Variants in UBE2E1 observed in about 807,000 individuals in gnomAD.
UBE2E1 encodes ubiquitin-conjugating enzyme E2 E1.
A neutral mutation model predicts 21.4 loss-of-function variants in UBE2E1; 6 were observed. The observed-to-expected ratio is 0.28, with a 90% CI of 0.15 to 0.55. The LOEUF is 0.55. UBE2E1 is among the 20% of genes least tolerant of loss of function. The pLI, the probability that UBE2E1 is intolerant of heterozygous loss-of-function variation, is 0.93. For synonymous variants in UBE2E1, 87 were observed against 82.7 expected (o/e 1.05, Z -0.28); for missense variants, 142 against 236.5 (o/e 0.60, Z 2.62).
chr3:23,820,876 C>T (rs762013934), intron 3 of UBE2E1, among the ~76,000 whole-genome samples: 2 of 152,040 alleles, frequency 1.3e-5, no homozygotes, highest in Non-Finnish European at 2.9e-5. Flanking sequence ...TGGGATGGAC[C>T]TCTAGTAAAT....
Position 23,810,438 on chromosome 3 carries a change from T to G in UBE2E1, c.153-1022T>G, listed in dbSNP as rs1699359853. The G allele has an allele frequency of 6.5e-7, 1 of 1,535,122 alleles. No individual in the cohort carries two copies. The highest frequency in any genetic ancestry group is 8.7e-7 in the Non-Finnish European group (1 of 1,146,356). On this transcript the variant is annotated intron_variant, in intron 2 of 5. Transcript: ENST00000306627. This position sits in a 1 kb window ranked among gnomAD's most constrained non-coding sequence, Gnocchi z 5.8. ...TGGTGCGGAGGGAGAAAACTGCAGG[T>G]CTCCAGTCTATCCCCAGTGTGAGCT...
Position 23,828,694 on chromosome 3 carries a change from T to G in UBE2E1, c.203+17184T>G, listed in dbSNP as rs183507147. 1.1e-3 allele frequency among the ~76,000 whole-genome samples: 164 copies of G among 152,362 alleles called. 2 individuals carry two copies. Among genetic ancestry groups the G allele is most frequent in the African/African-American group, 3.6e-3 (148 of 41,592 alleles). The stretch of plus-strand genomic sequence containing the variant: ...TCTGGAGATACAAAAGTGTGATAGA[T>G]GCTTTCAATATAAAATAAACGTTAC... On this transcript the variant is annotated intron_variant, in intron 3 of 5. Coordinates refer to ENST00000306627, the MANE Select transcript of UBE2E1 (RefSeq NM_003341.5).
intron 3 of UBE2E1, among the ~76,000 whole-genome samples, chr3:23,840,863 A>G (rs1037143410): frequency 5.9e-5 from 9 of 152,158 alleles, no homozygotes; most frequent in Non-Finnish European, 1.2e-4. Context: ...GTAGGTCTCA[A>G]TATATTTAGT....
At chr3:23,846,172 A>G (rs561026748) in intron 3 of UBE2E1, among the ~76,000 whole-genome samples, 10 of 152,362 alleles carry the variant, frequency 6.6e-5, no homozygotes, top group African/African-American at 2.4e-4. Flanking sequence ...AATGGTCAGG[A>G]AGGGATAATT....
rs958205560 is a variant in UBE2E1, at chr3:23,842,442, G to A, written c.203+30932G>A. 2.0e-5 allele frequency among the ~76,000 whole-genome samples: 3 copies of A among 151,998 alleles called. No homozygotes were observed. The highest frequency in any genetic ancestry group is 4.8e-5 in the African/African-American group (2 of 41,356). ...TCTATTTTTTTGTGGAGACGGAGTC[G>A]TGCCATGTTGCCCGGCCTGTTGTTC... On this transcript the variant is annotated intron_variant, in intron 3 of 5. Coordinates refer to ENST00000306627, the MANE Select transcript of UBE2E1 (RefSeq NM_003341.5). The surrounding 1 kb of genome is among the most constrained non-coding windows in gnomAD (Gnocchi z 4.6).
intron 3 of UBE2E1, among the ~76,000 whole-genome samples, chr3:23,840,861 C>T (rs1190630557): frequency 6.6e-6 from 1 of 152,170 alleles, no homozygotes; most frequent in Non-Finnish European, 1.5e-5. Context: ...TTGTAGGTCT[C>T]AATATATTTA....
chr3:23,845,723 G>A (rs971433262), intron 3 of UBE2E1, among the ~76,000 whole-genome samples: 2 of 151,818 alleles, frequency 1.3e-5, no homozygotes, highest in African/African-American at 2.4e-5. Flanking sequence ...TATTCTAGGC[G>A]TCATAGGCCA....
intron 3 of UBE2E1, among the ~76,000 whole-genome samples, chr3:23,880,969 T>C (rs921172195): frequency 5.9e-5 from 9 of 152,248 alleles, no homozygotes. Flanking sequence ...GTTTTTTACT[T>C]TGTATACTTA....
rs1490368822 is a variant in UBE2E1, at chr3:23,810,111, G to T, written c.153-1349G>T. On this transcript the variant is annotated intron_variant, in intron 2 of 5. Transcript: ENST00000306627. The surrounding 1 kb of genome is among the most constrained non-coding windows in gnomAD (Gnocchi z 5.8). ...GCAGAAAACCTTTGGAAAGGAAAAC[G>T]TATCCTTTGTGAATTAGATTGCTCT... is the stretch of plus-strand genomic sequence containing the variant. Among the ~76,000 whole-genome samples the T allele has an allele frequency of 6.6e-6, 1 of 152,108 alleles. No homozygotes were observed. Among genetic ancestry groups the T allele is most frequent in the Non-Finnish European group, 1.5e-5 (1 of 68,010 alleles).
intron 3 of UBE2E1, among the ~76,000 whole-genome samples, chr3:23,841,531 G>A (rs543853140): frequency 6.6e-6 from 1 of 152,244 alleles, no homozygotes; most frequent in South Asian, 2.1e-4. Context: ...TGTAATGGCC[G>A]CATTGTTAGA....
Position 23,840,535 on chromosome 3 carries a change from A to G in UBE2E1, c.203+29025A>G, listed in dbSNP as rs77519142. On this transcript the variant is annotated intron_variant, in intron 3 of 5. Transcript: ENST00000306627. The stretch of plus-strand genomic sequence containing the variant: ...AGTGACCAGAACAGCTATTAAGGCT[A>G]ATTTTTACCATTCACTGAGGCATCA... Among the ~76,000 whole-genome samples the G allele has an allele frequency of 8.0e-4, 122 of 152,292 alleles. No individual in the cohort carries two copies. The East Asian group carries it at 0.02, about 25-fold the overall frequency.
rs1701389678 is a variant in UBE2E1 at position 23,890,670 on chromosome 3, A to G, written c.*64A>G. ...AGAAGAGAGCTGCTTATGATTTTGA[A>G]GGGGTCAGGGAGGGTGGGAGTTGGT... On this transcript the variant is annotated 3_prime_UTR_variant, in exon 6 of 6. Transcript: ENST00000306627. 4.1e-6 allele frequency: 4 copies of G among 966,400 alleles called. No individual in the cohort carries two copies. The highest frequency in any genetic ancestry group is 3.1e-6 in the Non-Finnish European group (2 of 650,676). The allele number at this position is 966,400 out of a possible 1,614,324, so 59.9% of individuals were successfully genotyped here.
intron 3 of UBE2E1, among the ~76,000 whole-genome samples, chr3:23,821,791 G>A (rs1273570035): frequency 1.3e-5 from 2 of 152,200 alleles, no homozygotes; most frequent in Non-Finnish European, 2.9e-5. Context: ...CAGGGGAGAT[G>A]AGGGCAGGGT....
chr3:23,829,318 G>A (rs1437301846), intron 3 of UBE2E1, among the ~76,000 whole-genome samples: 5 of 107,678 alleles, frequency 4.6e-5, no homozygotes, highest in Non-Finnish European at 9.4e-5. Context: ...ACTCCACAAA[G>A]TCCAGCTTTT....
rs72627051 is a variant in UBE2E1 at position 23,883,017 on chromosome 3, G to A, written c.204-4550G>A. ...CAGGGGGCTGAAGGGCTCCTCAAGC[G>A]CGGCCAGAGTGGGCACCAAGGCTGA... On this transcript the variant is annotated intron_variant, in intron 3 of 5. Coordinates refer to ENST00000306627, the MANE Select transcript of UBE2E1 (RefSeq NM_003341.5). Among the ~76,000 whole-genome samples the A allele has an allele frequency of 3.7e-3, 564 of 152,300 alleles. 16 individuals carry two copies. In the East Asian group the frequency reaches 0.05, roughly 14 times the overall value.
intron 3 of UBE2E1, chr3:23,879,164 A>G (rs1575037100): frequency 1.4e-6 from 1 of 726,136 alleles, no homozygotes; most frequent in Non-Finnish European, 2.3e-6. Flanking sequence ...TATGAAGTTA[A>G]GTTTTAGTTT....
At chr3:23,873,896 T>G (rs1700858078) in intron 3 of UBE2E1, among the ~76,000 whole-genome samples, 1 of 152,180 alleles carries the variant, frequency 6.6e-6, no homozygotes, top group African/African-American at 2.4e-5. Context: ...AACTGAAAAT[T>G]ATTATTACCA....
In UBE2E1 at chr3:23,882,374, T is replaced by C. The variant is rs72627050; in HGVS notation, c.204-5193T>C. ...ATTGGTGCATTTACAAACCTTTAGC[T>C]AGACACAGAATGCTGATTGGTACAT... On this transcript the variant is annotated intron_variant, in intron 3 of 5. Coordinates refer to ENST00000306627, the MANE Select transcript of UBE2E1 (RefSeq NM_003341.5). 3.5e-3 allele frequency among the ~76,000 whole-genome samples: 526 copies of C among 152,350 alleles called. 15 individuals are homozygous for C. In the South Asian group the frequency reaches 0.046, roughly 13 times the overall value.
At chr3:23,818,850 G>A (rs536792697) in intron 3 of UBE2E1, among the ~76,000 whole-genome samples, 1 of 152,172 alleles carries the variant, frequency 6.6e-6, no homozygotes, top group Non-Finnish European at 1.5e-5. Flanking sequence ...GGAGAAAGGA[G>A]TAGGAGGAAA....
Sources: gnomAD v4.1 joint callset for allele counts (sites outside exome capture counted in the v4.1 genomes callset) on GRCh38, gnomAD v4.1.1 for gene constraint, Gnocchi (gnomAD v3.1) non-coding constraint, MANE v1.5 for transcripts, NCBI Gene and HGNC (gene_info 2026-07-23, HGNC 2026-07-21) for gene names.